The following JPH3 variants were observed in gnomAD, a reference collection of about 807,000 sequenced individuals.
JPH3 encodes junctophilin 3.
JPH3 carries 11 observed loss-of-function variants against 59.6 expected under a neutral mutation model. That is an observed-to-expected ratio of 0.18 (90% confidence interval 0.12 to 0.31). The LOEUF is 0.31. JPH3 is among the 10% of genes least tolerant of loss of function. The pLI is 1.00. For synonymous variants in JPH3, 673 were observed against 483.6 expected (o/e 1.39, Z -5.14); for missense variants, 1,202 against 1,105.7 (o/e 1.09, Z -1.24).
At chr16:87,645,148 C>G (rs779298496) in intron 2 of JPH3, 113 bp downstream of exon 2, 2 of 1,094,834 alleles carry the variant, frequency 1.8e-6, no homozygotes, top group Non-Finnish European at 2.6e-6. Flanking sequence ...AGTTTGAGGC[C>G]TACACTGGTG....
At chr16:87,603,888 G>T (rs1285536422) in intron 1 of JPH3, among the ~76,000 whole-genome samples, 1 of 152,236 alleles carries the variant, frequency 6.6e-6, no homozygotes, top group Non-Finnish European at 1.5e-5. Context: ...TGGGAGAAGG[G>T]CCCCTCCCCT....
intron 2 of JPH3, among the ~76,000 whole-genome samples, chr16:87,664,060 G>C (rs140724876): frequency 6.6e-6 from 1 of 152,316 alleles, no homozygotes; most frequent in African/African-American, 2.4e-5. Flanking sequence ...AGCTGGGCGC[G>C]GTGGCTCACG....
intron 1 of JPH3, among the ~76,000 whole-genome samples, chr16:87,615,617 A>G (rs1201728475): frequency 6.6e-6 from 1 of 152,184 alleles, no homozygotes; most frequent in East Asian, 1.9e-4. Context: ...GGGACTCCAT[A>G]GCTCCAGTCA....
chr16:87,667,053 C>T (rs965724260), intron 2 of JPH3, among the ~76,000 whole-genome samples: 3 of 152,224 alleles, frequency 2.0e-5, no homozygotes, highest in South Asian at 2.1e-4. Context: ...GAGGGTGTGG[C>T]AGGGCCGTGC....
intron 2 of JPH3, among the ~76,000 whole-genome samples, chr16:87,658,112 C>G (rs2032568401): frequency 6.6e-6 from 1 of 152,208 alleles, no homozygotes; most frequent in African/African-American, 2.4e-5. Flanking sequence ...AGTGTGAAGA[C>G]ACCACCTGTG....
chr16:87,681,748 C>T (rs1375919242), intron 2 of JPH3, among the ~76,000 whole-genome samples: 1 of 152,140 alleles, frequency 6.6e-6, no homozygotes, highest in South Asian at 2.1e-4. Context: ...CAGAAGGTGT[C>T]CCCGGGGCAG....
intron 2 of JPH3, among the ~76,000 whole-genome samples, chr16:87,672,729 C>G (rs553460183): frequency 6.6e-6 from 1 of 152,218 alleles, no homozygotes; most frequent in Non-Finnish European, 1.5e-5. Flanking sequence ...AAAGTGGCAT[C>G]TATAAATGGG....
intron 2 of JPH3, among the ~76,000 whole-genome samples, chr16:87,661,147 C>T (rs746694293): frequency 2.2e-4 from 34 of 152,304 alleles, no homozygotes; most frequent in Middle Eastern, 3.4e-3. Context: ...TTCCTTGGCT[C>T]GAGGTCCCTC....
chr16:87,671,031 G>A (rs368180500), intron 2 of JPH3, among the ~76,000 whole-genome samples: 38 of 152,172 alleles, frequency 2.5e-4, no homozygotes, highest in South Asian at 6.2e-4. Context: ...GCTGTGGCCC[G>A]TACAGTCGCC....
chr16:87,644,250 C>A lies in JPH3; in HGVS notation c.383-8C>A. 1 of 1,593,492 alleles carries A rather than the reference C, an allele frequency of 6.3e-7. No individual in the cohort carries two copies. Among genetic ancestry groups the A allele is most frequent in the Non-Finnish European group, 8.6e-7 (1 of 1,169,436 alleles). On this transcript the variant is annotated splice_region_variant and splice_polypyrimidine_tract_variant and intron_variant, in intron 1 of 4. Transcript: ENST00000284262. Reference sequence around the variant, plus strand: ...TGGGCACTCACCCCTCTCTCATTTTCTCCCCAGGGACCTACCAGGGCCAGT... The same window carrying A: ...TGGGCACTCACCCCTCTCTCATTTTATCCCCAGGGACCTACCAGGGCCAGT...
At chr16:87,639,878 T>TG (rs763895202) in intron 1 of JPH3, among the ~76,000 whole-genome samples, 6 of 152,214 alleles carry the variant, frequency 3.9e-5, no homozygotes, top group Non-Finnish European at 8.8e-5. Context: ...TTCCACTGCA[T>TG]GGGGGGACCA....
chr16:87,668,920 C>T (rs942128717), intron 2 of JPH3, among the ~76,000 whole-genome samples: 19 of 152,266 alleles, frequency 1.2e-4, no homozygotes, highest in African/African-American at 1.2e-4. Context: ...CCGTGGATCT[C>T]CTCTCCCTCG....
intron 2 of JPH3, among the ~76,000 whole-genome samples, chr16:87,661,677 C>G (rs1407423021): frequency 2.0e-5 from 3 of 152,222 alleles, no homozygotes; most frequent in Non-Finnish European, 4.4e-5. Context: ...ACGGGACAGC[C>G]CTGTCCAAGA....
At chr16:87,679,995 G>A (rs1380583244) in intron 2 of JPH3, among the ~76,000 whole-genome samples, 3 of 152,162 alleles carry the variant, frequency 2.0e-5, no homozygotes, top group African/African-American at 7.2e-5. Context: ...TGTGGACCCC[G>A]CCTCTAAGCC....
At chr16:87,619,183 G>A (rs1253594474) in intron 1 of JPH3, among the ~76,000 whole-genome samples, 1 of 152,018 alleles carries the variant, frequency 6.6e-6, no homozygotes, top group Admixed American at 6.6e-5. Context: ...TGGGCATGGT[G>A]GTGCCTGTAG....
In JPH3 at chr16:87,690,497, G is replaced by A. The variant is rs371457194; in HGVS notation, c.2137G>A (p.Glu713Lys). 9 of 1,484,668 alleles carry A rather than the reference G, an allele frequency of 6.1e-6. No homozygotes were observed. Among genetic ancestry groups the A allele is most frequent in the Non-Finnish European group, 7.2e-6 (8 of 1,118,586 alleles). 92.0% of individuals were successfully genotyped at this position (1,484,668 alleles called of 1,614,324 possible). A position where few individuals can be genotyped will look rare whatever the true frequency, so the allele number is the denominator to read the frequency against. Reference protein sequence around the residue: ...SLPVALESDEENGDELKSSTG... With the variant: ...SLPVALESDEKNGDELKSSTG... Reference sequence around the variant, plus strand: ...GCCTGTCGCTCTAGAGTCCGACGAGGAGAATGGGGATGAGCTCAAGTCCAG... The same window carrying A: ...GCCTGTCGCTCTAGAGTCCGACGAGAAGAATGGGGATGAGCTCAAGTCCAG... Residue 713 changes from glutamate (E) to lysine (K), a missense_variant, in exon 4 of 5, where the codon GAG becomes AAG. Coordinates refer to ENST00000284262, the MANE Select transcript of JPH3 (RefSeq NM_020655.4).
chr16:87,636,399 C>T (rs1031230037), intron 1 of JPH3, among the ~76,000 whole-genome samples: 9 of 152,200 alleles, frequency 5.9e-5, no homozygotes, highest in African/African-American at 1.2e-4. Flanking sequence ...TGGGGGTGGC[C>T]GAGCTGATGG....
Position 87,689,943 on chromosome 16 carries a change from G to C in JPH3, c.1583G>C (p.Arg528Pro). ...LLEGRAGDCA[R>P]SSWGEEQAGG... ...GAGGGCCGGGCCGGGGACTGCGCCC[G>C]CAGCAGCTGGGGCGAGGAGCAGGCC... The change falls in exon 4 of 5, where the codon CGC (arginine) becomes CCC (proline). Residue 528 changes from arginine (R) to proline (P), a missense_variant. Transcript: ENST00000284262. 6.9e-7 allele frequency: 1 copy of C among 1,448,668 alleles called. No homozygotes were observed. The allele number at this position is 1,448,668 out of a possible 1,614,324, so 89.7% of individuals were successfully genotyped here. A position where few individuals can be genotyped will look rare whatever the true frequency, so the allele number is the denominator to read the frequency against.
intron 1 of JPH3, 113 bp downstream of exon 1, chr16:87,603,641 C>G: frequency 7.6e-7 from 1 of 1,317,378 alleles, no homozygotes; most frequent in Non-Finnish European, 1.0e-6. Context: ...GCCGTGGGCA[C>G]CAGGGGCCTT....
Sources: gnomAD v4.1 joint callset for allele counts (sites outside exome capture counted in the v4.1 genomes callset) on GRCh38, gnomAD v4.1.1 for gene constraint, MANE v1.5 for transcripts, NCBI Gene and HGNC (gene_info 2026-07-23, HGNC 2026-07-21) for gene names.